Variants in PLCB4 observed in about 807,000 individuals in gnomAD.
PLCB4 encodes phospholipase C beta 4.
In PLCB4, 77 loss-of-function variants were observed where a neutral mutation model predicts 178.8. The ratio of observed to expected loss-of-function variants is 0.43; its 90% CI spans 0.36 to 0.52. PLCB4 has a LOEUF of 0.52. Ranked by LOEUF, PLCB4 falls within the 20% of genes least tolerant of loss-of-function variation. The pLI is 0.00. For synonymous variants in PLCB4, 496 were observed against 490.8 expected (o/e 1.01, Z -0.14); for missense variants, 1,024 against 1,453.4 (o/e 0.70, Z 4.80).
At chr20:9,291,467 T>C (rs761331054) in intron 3 of PLCB4, among the ~76,000 whole-genome samples, 17 of 152,138 alleles carry the variant, frequency 1.1e-4, no homozygotes, top group Non-Finnish European at 2.4e-4. Context: ...TTAACTGAGA[T>C]TAAGGATTTT....
intron 2 of PLCB4, among the ~76,000 whole-genome samples, chr20:9,186,157 C>T (rs1441020243): frequency 6.6e-6 from 1 of 152,044 alleles, no homozygotes; most frequent in Non-Finnish European, 1.5e-5. Flanking sequence ...GGTGGGTGAA[C>T]CCTTATTGTC....
intron 1 of PLCB4, among the ~76,000 whole-genome samples, chr20:9,081,768 CAA>C (rs10629831): frequency 8.8e-5 from 8 of 90,420 alleles, no homozygotes; most frequent in Admixed American, 1.4e-4. Context: ...GATGATTAAG[CAA>C]AAAAAAAAAA....
chr20:9,386,229 G>A lies in PLCB4; in HGVS notation c.1065-1234G>A, dbSNP rs140551592. Among the ~76,000 whole-genome samples, 824 of 152,046 alleles carry A rather than the reference G, an allele frequency of 5.4e-3. 6 individuals carry two copies. The highest frequency in any genetic ancestry group is 0.01 in the Middle Eastern group (3 of 294). ...GACCACGGCAGTATAGTCCAGCCTC[G>A]GCAACGGAGGGAGACCGAAGAAAGG... is the stretch of plus-strand genomic sequence containing the variant. On this transcript the variant is annotated intron_variant, in intron 14 of 39. Transcript: ENST00000378473.
intron 25 of PLCB4, among the ~76,000 whole-genome samples, chr20:9,416,837 G>T (rs2040282986): frequency 1.3e-5 from 2 of 152,126 alleles, no homozygotes; most frequent in Non-Finnish European, 2.9e-5. Context: ...GTCTCTTAAA[G>T]ATTCCTTTTT....
intron 7 of PLCB4, among the ~76,000 whole-genome samples, chr20:9,355,293 GTAT>G (rs905926879): frequency 3.6e-4 from 55 of 151,068 alleles, no homozygotes; most frequent in Admixed American, 2.8e-3. Context: ...TTTATATTTT[GTAT>G]TATTATTATT....
chr20:9,187,025 A>G (rs1435307000), intron 2 of PLCB4, among the ~76,000 whole-genome samples: 3 of 152,016 alleles, frequency 2.0e-5, no homozygotes, highest in Non-Finnish European at 4.4e-5. Context: ...CCCAGGCTGG[A>G]GTGCAGTGGC....
chr20:9,100,236 A>C (rs952525695), intron 2 of PLCB4, among the ~76,000 whole-genome samples: 3 of 152,228 alleles, frequency 2.0e-5, no homozygotes, highest in African/African-American at 4.8e-5. Context: ...TAGGTGAAAC[A>C]GAGTTAGTTA....
chr20:9,168,635 G>A (rs933476979), intron 2 of PLCB4, among the ~76,000 whole-genome samples: 2 of 152,160 alleles, frequency 1.3e-5, no homozygotes, highest in African/African-American at 4.8e-5. Flanking sequence ...TTTGACTAGC[G>A]AGGAGCTACA....
At chr20:9,209,374 G>GC (rs1441566650) in intron 2 of PLCB4, among the ~76,000 whole-genome samples, 1 of 151,962 alleles carries the variant, frequency 6.6e-6, no homozygotes, top group African/African-American at 2.4e-5. Context: ...TTCTAAGGTG[G>GC]CCCCCCGAGA....
intron 25 of PLCB4, among the ~76,000 whole-genome samples, chr20:9,411,837 G>A (rs1382147576): frequency 1.3e-5 from 2 of 152,138 alleles, no homozygotes; most frequent in Non-Finnish European, 2.9e-5. Context: ...GGCCTGTAGA[G>A]GAATCCAATG....
intron 1 of PLCB4, among the ~76,000 whole-genome samples, chr20:9,080,144 A>G (rs1203619029): frequency 6.6e-6 from 1 of 152,184 alleles, no homozygotes; most frequent in Non-Finnish European, 1.5e-5. Flanking sequence ...CATTAGCATC[A>G]CTGAGTATAA....
intron 5 of PLCB4, 101 bp downstream of exon 5, chr20:9,337,307 T>C: frequency 1.3e-6 from 1 of 784,004 alleles, no homozygotes; most frequent in Admixed American, 1.9e-5. Context: ...CCTACCCTTA[T>C]TCATTCATTC....
At chr20:9,450,226 C>G (rs1177825746) in intron 32 of PLCB4, among the ~76,000 whole-genome samples, 1 of 152,168 alleles carries the variant, frequency 6.6e-6, no homozygotes, top group African/African-American at 2.4e-5. Context: ...CATGATTTAA[C>G]TAAGGACCAA....
At chr20:9,183,033 A>G (rs369680778) in intron 2 of PLCB4, among the ~76,000 whole-genome samples, 3 of 152,264 alleles carry the variant, frequency 2.0e-5, no homozygotes. Flanking sequence ...CTCACAGCAC[A>G]GCTAGGAAGA....
chr20:9,365,259 T>C (rs2035676153), intron 8 of PLCB4, among the ~76,000 whole-genome samples: 1 of 152,224 alleles, frequency 6.6e-6, no homozygotes. Flanking sequence ...CTGTTGTTTT[T>C]CTGAAATTCA....
At chr20:9,396,572 A>T (rs983068143) in intron 19 of PLCB4, among the ~76,000 whole-genome samples, 2 of 152,218 alleles carry the variant, frequency 1.3e-5, no homozygotes, top group East Asian at 3.8e-4. Context: ...ATTTTAGAGA[A>T]TTATTTGTTT....
chr20:9,391,878 G>C (rs749515065), intron 17 of PLCB4, among the ~76,000 whole-genome samples: 6 of 152,126 alleles, frequency 3.9e-5, no homozygotes, highest in Non-Finnish European at 8.8e-5. Context: ...TTCCCAGCAG[G>C]ATCGTGCTCC....
At chr20:9,438,960 A>ATT (rs1178530119) in intron 30 of PLCB4, among the ~76,000 whole-genome samples, 1 of 152,254 alleles carries the variant, frequency 6.6e-6, no homozygotes, top group Non-Finnish European at 1.5e-5. Flanking sequence ...GAAGATCTGA[A>ATT]TCAACAGAAA....
intron 30 of PLCB4, among the ~76,000 whole-genome samples, chr20:9,437,858 C>G (rs1418614279): frequency 6.6e-6 from 1 of 152,262 alleles, no homozygotes; most frequent in South Asian, 2.1e-4. Context: ...TTATAACACA[C>G]CTATCACATT....
Sources: gnomAD v4.1 joint callset for allele counts (sites outside exome capture counted in the v4.1 genomes callset) on GRCh38, gnomAD v4.1.1 for gene constraint, MANE v1.5 for transcripts, NCBI Gene and HGNC (gene_info 2026-07-23, HGNC 2026-07-21) for gene names.